The following ESR1 variants were observed in gnomAD, a reference collection of about 807,000 sequenced individuals.
ESR1 encodes the protein estrogen receptor.
In ESR1, 12 loss-of-function variants were observed where a neutral mutation model predicts 52.7. The observed-to-expected ratio is 0.23, with a 90% confidence interval of 0.15 to 0.37. The LOEUF is 0.37. Ranked by LOEUF, ESR1 falls within the 10% of genes least tolerant of loss-of-function variation. The pLI is 1.00. For missense variants in ESR1, 584 were observed against 779.7 expected (o/e 0.75, Z 2.99); for synonymous variants, 305 against 316.8 (o/e 0.96, Z 0.39).
chr6:151,681,589 T>TA lies in ESR1; in HGVS notation n.74-20278dup, dbSNP rs200061676. ...ACTTTTCTCCAGGAAAAAGAAAAAA[T>TA]AAAAAAAAGCCTCATTCTCTTCGTC... is the stretch of plus-strand genomic sequence containing the variant. On this transcript the variant is annotated intron_variant and non_coding_transcript_variant, in intron 1 of 2. Coordinates refer to the ESR1 transcript ENST00000473497. Among the ~76,000 whole-genome samples, 119 of 151,674 alleles carry TA rather than the reference T, an allele frequency of 7.8e-4. 1 individual carries two copies. The East Asian group carries it at 0.012, about 15-fold the overall frequency.
exon 7 of ESR1, chr6:152,126,445 T>C (rs970820289): frequency 3.3e-5 from 5 of 152,228 alleles, no homozygotes; most frequent in Non-Finnish European, 7.3e-5. Context: ...AGGCAACTTG[T>C]TGACTACCCA....
chr6:152,074,549 G>A (rs2128993771), intron 6 of ESR1, among the ~76,000 whole-genome samples: 1 of 152,336 alleles, frequency 6.6e-6, no homozygotes, highest in Middle Eastern at 3.4e-3. Flanking sequence ...TGAAGTTGCT[G>A]TAAACACCCA....
intron 4 of ESR1, among the ~76,000 whole-genome samples, chr6:151,961,076 TG>T (rs911843783): frequency 2.0e-5 from 3 of 152,186 alleles, no homozygotes; most frequent in African/African-American, 7.2e-5. Flanking sequence ...GAATTTGAGA[TG>T]TTTTTAGACC....
At chr6:151,845,366 C>T (rs565216039) in intron 2 of ESR1, among the ~76,000 whole-genome samples, 34 of 152,084 alleles carry the variant, frequency 2.2e-4, no homozygotes, top group African/African-American at 7.5e-4. Flanking sequence ...GTCAGGAGAT[C>T]GAGACCATCC....
At chr6:151,829,326 TAC>T (rs1782009528) in intron 1 of ESR1, among the ~76,000 whole-genome samples, 1 of 152,256 alleles carries the variant, frequency 6.6e-6, no homozygotes, top group Non-Finnish European at 1.5e-5. Context: ...ATGTCAGATA[TAC>T]AGAAGTGTTT....
chr6:151,668,230 C>T (rs953005904), intron 1 of ESR1, among the ~76,000 whole-genome samples: 1 of 152,152 alleles, frequency 6.6e-6, no homozygotes, highest in Non-Finnish European at 1.5e-5. Context: ...GACAGGAACA[C>T]TGTGTCCTCA....
At chr6:152,022,510 A>G (rs1373745914) in intron 5 of ESR1, among the ~76,000 whole-genome samples, 3 of 152,192 alleles carry the variant, frequency 2.0e-5, no homozygotes, top group Non-Finnish European at 4.4e-5. Flanking sequence ...TGTGATGACT[A>G]GACAAGATAA....
chr6:152,103,606 G>A (rs1054537250), downstream of ESR1, among the ~76,000 whole-genome samples: 5 of 152,192 alleles, frequency 3.3e-5, no homozygotes, highest in African/African-American at 7.2e-5. Context: ...ACTAACTGAG[G>A]TGCTCATTAA....
intron 1 of ESR1, among the ~76,000 whole-genome samples, chr6:151,841,633 A>G (rs552874082): frequency 6.7e-6 from 1 of 149,176 alleles, no homozygotes; most frequent in South Asian, 2.1e-4. Context: ...AAAGCATTTT[A>G]CTTCCTTATT....
intron 4 of ESR1, among the ~76,000 whole-genome samples, chr6:152,010,852 A>G: frequency 6.6e-6 from 1 of 151,880 alleles, no homozygotes; most frequent in East Asian, 1.9e-4. Context: ...TAAGGGCTCA[A>G]CAAACCTTCT....
chr6:151,679,495 G>A (rs1442987820), intron 1 of ESR1, among the ~76,000 whole-genome samples: 5 of 151,836 alleles, frequency 3.3e-5, no homozygotes, highest in African/African-American at 4.8e-5. Flanking sequence ...GACTACAGGC[G>A]CCTTCCACCA....
At chr6:151,814,530 G>T (rs530869122) in intron 1 of ESR1, among the ~76,000 whole-genome samples, 8 of 151,872 alleles carry the variant, frequency 5.3e-5, no homozygotes, top group Admixed American at 2.6e-4. Context: ...ATGAAATTTG[G>T]AACAGGGCTA....
At chr6:151,866,403 G>A (rs1047043182) in intron 2 of ESR1, among the ~76,000 whole-genome samples, 2 of 151,978 alleles carry the variant, frequency 1.3e-5, no homozygotes, top group East Asian at 1.9e-4. Flanking sequence ...AGGTATACAC[G>A]TGCCATGGTG....
chr6:152,062,463 A>G (rs541914034), intron 6 of ESR1, among the ~76,000 whole-genome samples: 93 of 152,374 alleles, frequency 6.1e-4, no homozygotes, highest in Admixed American at 1.8e-3. Context: ...GGACTGAATT[A>G]CAGAATGAAG....
intron 2 of ESR1, among the ~76,000 whole-genome samples, chr6:151,880,112 A>T (rs538281747): frequency 6.6e-6 from 1 of 151,980 alleles, no homozygotes; most frequent in Admixed American, 6.6e-5. Context: ...ACTGAAGGTG[A>T]CTTGCCCAAA....
At chr6:152,066,625 G>A (rs1387011035) in intron 6 of ESR1, among the ~76,000 whole-genome samples, 1 of 152,158 alleles carries the variant, frequency 6.6e-6, no homozygotes, top group Non-Finnish European at 1.5e-5. Flanking sequence ...AGTATTAAGT[G>A]GTTCATTGTC....
At chr6:152,013,852 T>C (rs1397653084) in intron 5 of ESR1, among the ~76,000 whole-genome samples, 1 of 152,174 alleles carries the variant, frequency 6.6e-6, no homozygotes, top group Non-Finnish European at 1.5e-5. Flanking sequence ...CTCTTTACTA[T>C]TGACATTTTG....
At chr6:152,089,563 G>C (rs2050013376) in intron 6 of ESR1, among the ~76,000 whole-genome samples, 1 of 152,152 alleles carries the variant, frequency 6.6e-6, no homozygotes, top group Non-Finnish European at 1.5e-5. Context: ...ACAGCCATGT[G>C]AAAGCTTTTC....
chr6:151,860,479 T>C (rs1380409512), intron 2 of ESR1, among the ~76,000 whole-genome samples: 1 of 152,120 alleles, frequency 6.6e-6, no homozygotes, highest in Non-Finnish European at 1.5e-5. Flanking sequence ...GTGATATATA[T>C]AGAGGGAGTG....
Sources: gnomAD v4.1 joint callset for allele counts (sites outside exome capture counted in the v4.1 genomes callset) on GRCh38, gnomAD v4.1.1 for gene constraint, MANE v1.5 for transcripts, NCBI Gene and HGNC (gene_info 2026-07-23, HGNC 2026-07-21) for gene names.